Variants in VWA8 observed in about 807,000 individuals in gnomAD.
VWA8 encodes the protein von Willebrand factor A domain-containing protein 8.
Under a neutral mutation model 241.5 loss-of-function variants are expected in VWA8, and 221 were observed. The observed-to-expected ratio is 0.91, with a 90% CI of 0.82 to 1.02. VWA8 has a LOEUF of 1.02. Ranked by LOEUF, VWA8 falls within the 50% of genes least tolerant of loss-of-function variation. The pLI, the probability that VWA8 is intolerant of heterozygous loss-of-function variation, is 0.00. For missense variants in VWA8, 2,322 were observed against 2,328.7 expected (o/e 1.00, Z 0.06); for synonymous variants, 852 against 827.1 (o/e 1.03, Z -0.52).
At chr13:41,767,631 A>G (rs934079845) in intron 20 of VWA8, among the ~76,000 whole-genome samples, 3 of 152,250 alleles carry the variant, frequency 2.0e-5, no homozygotes, top group Admixed American at 2.0e-4. Context: ...GTAACGGTCA[A>G]CAAACAGTAG....
chr13:41,872,568 T>C (rs1873683223), intron 9 of VWA8, among the ~76,000 whole-genome samples: 1 of 152,214 alleles, frequency 6.6e-6, no homozygotes, highest in Non-Finnish European at 1.5e-5. Flanking sequence ...TAGGGAATCC[T>C]TTCCCCATTG....
Position 41,567,689 on chromosome 13 carries a change from A to G in VWA8, c.*508T>C, listed in dbSNP as rs1290965427. On this transcript the variant is annotated 3_prime_UTR_variant, in exon 45 of 45. Coordinates refer to ENST00000379310, the MANE Select transcript of VWA8 (RefSeq NM_015058.2). ...TTTTTGGTGGGTTAAATATTATAAAATCATTGTTTTCTGGTCAATACAGAG... is the reference window on the plus strand; with the variant it reads ...TTTTTGGTGGGTTAAATATTATAAAGTCATTGTTTTCTGGTCAATACAGAG... 6.6e-6 allele frequency: 1 copy of G among 152,316 alleles called. No individual in the cohort carries two copies. Among genetic ancestry groups the G allele is most frequent in the Non-Finnish European group, 1.5e-5 (1 of 68,082 alleles). 9.4% of individuals were successfully genotyped at this position (152,316 alleles called of 1,614,324 possible).
intron 12 of VWA8, among the ~76,000 whole-genome samples, chr13:41,835,062 C>T (rs1871656806): frequency 6.6e-6 from 1 of 152,098 alleles, no homozygotes. Context: ...TGGGGAACAA[C>T]ACACACTGGG....
At chr13:41,753,992 T>A (rs1258371230) in intron 21 of VWA8, among the ~76,000 whole-genome samples, 1 of 152,160 alleles carries the variant, frequency 6.6e-6, no homozygotes, top group Non-Finnish European at 1.5e-5. Context: ...GCCCTAAAGC[T>A]GTATGTAAAA....
intron 37 of VWA8, among the ~76,000 whole-genome samples, chr13:41,625,809 A>C (rs1179771240): frequency 1.3e-5 from 2 of 151,920 alleles, no homozygotes; most frequent in Admixed American, 6.6e-5. Flanking sequence ...ACTATTCACA[A>C]TAGCAAAGAT....
intron 14 of VWA8, among the ~76,000 whole-genome samples, chr13:41,828,668 A>C (rs560300112): frequency 6.6e-6 from 1 of 152,254 alleles, no homozygotes; most frequent in Admixed American, 6.5e-5. Flanking sequence ...ACACACATAC[A>C]TGTCTTTTTT....
chr13:41,739,963 TCCTG>T (rs987605239), intron 21 of VWA8, among the ~76,000 whole-genome samples: 16 of 150,468 alleles, frequency 1.1e-4, no homozygotes, highest in Non-Finnish European at 2.2e-4. Flanking sequence ...CATGTCATTC[TCCTG>T]CCTCAGCCTC....
intron 20 of VWA8, among the ~76,000 whole-genome samples, chr13:41,761,946 GGAAA>G (rs200644152): frequency 0.011 from 1,646 of 152,126 alleles, 32 homozygotes; most frequent in African/African-American, 0.038. Flanking sequence ...CAGGTTGTGT[GGAAA>G]GAGTTATAGT....
chr13:41,759,368 GT>G, intron 21 of VWA8, among the ~76,000 whole-genome samples: 1 of 151,202 alleles, frequency 6.6e-6, no homozygotes, highest in Non-Finnish European at 1.5e-5. Context: ...TTTTCTCTTG[GT>G]TTTTAGCAAT....
intron 26 of VWA8, among the ~76,000 whole-genome samples, chr13:41,710,862 C>G (rs1014508795): frequency 6.6e-6 from 1 of 152,170 alleles, no homozygotes; most frequent in Non-Finnish European, 1.5e-5. Context: ...GGGGGATGTT[C>G]TTTTTGATGC....
chr13:41,960,953 G>A lies in VWA8; in HGVS notation c.63C>T (p.Arg21=). 1.4e-6 allele frequency: 2 copies of A among 1,461,948 alleles called. No individual in the cohort carries two copies. The highest frequency in any genetic ancestry group is 1.8e-6 in the Non-Finnish European group (2 of 1,115,476). The allele number at this position is 1,461,948 out of a possible 1,614,324, so 90.6% of individuals were successfully genotyped here. The change falls in exon 1 of 45, where the codon CGC becomes CGT. Residue 21 remains arginine, a synonymous_variant. Coordinates refer to ENST00000379310, the MANE Select transcript of VWA8 (RefSeq NM_015058.2). ...PGGHGGPASR[R]MRLLLRQVVQ... is the part of the protein sequence containing the mutation. ...CCACCTGCCGCAGGAGCAGCCGCAT[G>A]CGCCGCGAGGCCGGGCCGCCGTGGC...
intron 43 of VWA8, among the ~76,000 whole-genome samples, chr13:41,572,289 G>A (rs978618086): frequency 6.6e-6 from 1 of 152,230 alleles, no homozygotes; most frequent in Non-Finnish European, 1.5e-5. Context: ...CTGCCACCCC[G>A]TCTGGGAGGT....
intron 37 of VWA8, among the ~76,000 whole-genome samples, chr13:41,629,634 C>A (rs189509395): frequency 6.6e-6 from 1 of 152,104 alleles, no homozygotes; most frequent in Non-Finnish European, 1.5e-5. Context: ...ATGAAAGTCA[C>A]ATAATATTTC....
At chr13:41,844,575 T>C (rs1463271270) in intron 12 of VWA8, among the ~76,000 whole-genome samples, 1 of 152,110 alleles carries the variant, frequency 6.6e-6, no homozygotes, top group African/African-American at 2.4e-5. Context: ...ATGATATGAT[T>C]CTATACCTAG....
At chr13:41,753,499 G>C (rs2045671076) in intron 21 of VWA8, among the ~76,000 whole-genome samples, 1 of 151,934 alleles carries the variant, frequency 6.6e-6, no homozygotes, top group South Asian at 2.1e-4. Flanking sequence ...TTCACAAATG[G>C]GAGCCATATA....
intron 20 of VWA8, among the ~76,000 whole-genome samples, chr13:41,761,745 A>AT (rs753002158): frequency 1.6e-4 from 25 of 152,118 alleles, no homozygotes; most frequent in Non-Finnish European, 3.4e-4. Flanking sequence ...AGGTGTATTA[A>AT]TAAAACTCAA....
At position 41,908,113 on chromosome 13, in the gene VWA8, T is replaced by C. The variant is rs1875810585; in HGVS notation, c.373-417A>G. Among the ~76,000 whole-genome samples the C allele has an allele frequency of 1.3e-5, 2 of 152,220 alleles. 1 individual carries two copies. Among genetic ancestry groups the C allele is most frequent in the African/African-American group, 4.8e-5 (2 of 41,458 alleles). On this transcript the variant is annotated intron_variant, in intron 3 of 44. Transcript: ENST00000379310. ...TAGATTAATTTATTCCATGGATCAA[T>C]GTTTGCCAAGTGTATACAGTATGTT... is the stretch of plus-strand genomic sequence containing the variant.
chr13:41,762,932 AATG>A (rs1190821949), intron 20 of VWA8, among the ~76,000 whole-genome samples: 2 of 151,970 alleles, frequency 1.3e-5, no homozygotes, highest in Non-Finnish European at 2.9e-5. Context: ...GTAAAATATA[AATG>A]ATGACCATGT....
intron 12 of VWA8, among the ~76,000 whole-genome samples, chr13:41,860,988 T>G (rs181070403): frequency 5.3e-5 from 8 of 151,850 alleles, no homozygotes; most frequent in Non-Finnish European, 1.2e-4. Flanking sequence ...TTATATATAA[T>G]TATATAAATA....
Sources: gnomAD v4.1 joint callset for allele counts (sites outside exome capture counted in the v4.1 genomes callset) on GRCh38, gnomAD v4.1.1 for gene constraint, MANE v1.5 for transcripts, NCBI Gene and HGNC (gene_info 2026-07-23, HGNC 2026-07-21) for gene names.